The following STK32B variants were observed in gnomAD, a reference collection of about 807,000 sequenced individuals.
STK32B encodes the protein serine/threonine kinase 32B, also known as serine/threonine-protein kinase 32B.
In STK32B, 43 loss-of-function variants were observed where a neutral mutation model predicts 52.6. That is an observed-to-expected ratio of 0.82 (90% CI 0.64 to 1.05). STK32B has a LOEUF of 1.05. Among genes scored for constraint, STK32B ranks in the 50% least tolerant of loss-of-function variants. The pLI, the probability that STK32B is intolerant of heterozygous loss-of-function variation, is 0.00. For missense variants in STK32B, 621 were observed against 534.6 expected (o/e 1.16, Z -1.59); for synonymous variants, 238 against 204.3 (o/e 1.17, Z -1.41).
rs757211998 is a variant in STK32B at position 5,331,398 on chromosome 4, C to G, written c.434+5C>G. The G allele has an allele frequency of 6.2e-6, 10 of 1,604,120 alleles. No homozygotes were observed. Among genetic ancestry groups the G allele is most frequent in the African/African-American group, 1.3e-5 (1 of 74,730 alleles). ...GAGGTACCACATCATCCACAGGTAA[C>G]TGGGCTGCTGGCGGGATGCCTGGGA... is the stretch of plus-strand genomic sequence containing the variant. On this transcript the variant is annotated splice_donor_5th_base_variant and intron_variant, in intron 4 of 11. Transcript: ENST00000282908.
At chr4:5,150,957 C>A (rs1276852997) in intron 2 of STK32B, among the ~76,000 whole-genome samples, 1 of 152,124 alleles carries the variant, frequency 6.6e-6, no homozygotes, top group Non-Finnish European at 1.5e-5. Flanking sequence ...ACCACTTTCC[C>A]CCCATGTCAT....
intron 3 of STK32B, among the ~76,000 whole-genome samples, chr4:5,172,385 C>T (rs1422248534): frequency 3.3e-5 from 5 of 152,064 alleles, no homozygotes; most frequent in Non-Finnish European, 2.9e-5. Context: ...GTGTCTTGTG[C>T]CAGTTTTCAA....
At chr4:5,473,970 C>G (rs1030411750) in intron 11 of STK32B, among the ~76,000 whole-genome samples, 1 of 152,068 alleles carries the variant, frequency 6.6e-6, no homozygotes, top group Non-Finnish European at 1.5e-5. Flanking sequence ...AAAAATTAGT[C>G]TGGTGTGGTG....
chr4:5,288,002 TA>T (rs1728660552), intron 3 of STK32B, among the ~76,000 whole-genome samples: 1 of 152,212 alleles, frequency 6.6e-6, no homozygotes, highest in Non-Finnish European at 1.5e-5. Flanking sequence ...AGTTGAATCA[TA>T]CAACATATAA....
chr4:5,255,448 A>T (rs1008358792), intron 3 of STK32B, among the ~76,000 whole-genome samples: 8 of 152,192 alleles, frequency 5.3e-5, no homozygotes, highest in African/African-American at 1.9e-4. Flanking sequence ...TAGGTAACAT[A>T]CATACAGCAA....
At chr4:5,317,082 A>T (rs1333773032) in intron 3 of STK32B, among the ~76,000 whole-genome samples, 1 of 48,496 alleles carries the variant, frequency 2.1e-5, no homozygotes, top group South Asian at 6.1e-4. Context: ...TATATATTAT[A>T]TATATAATAT....
chr4:5,181,367 C>CACACACACACAG (rs1272404587), intron 3 of STK32B, among the ~76,000 whole-genome samples: 1 of 96,326 alleles, frequency 1.0e-5, no homozygotes, highest in Admixed American at 9.3e-5. Context: ...CACACACACA[C>CACACACACACAG]AGAGATCTCA....
intron 3 of STK32B, among the ~76,000 whole-genome samples, chr4:5,307,903 G>A (rs1730035224): frequency 6.6e-6 from 1 of 152,040 alleles, no homozygotes; most frequent in East Asian, 1.9e-4. Flanking sequence ...TTCTCTTCAG[G>A]ATGTAGCCAC....
intron 3 of STK32B, among the ~76,000 whole-genome samples, chr4:5,194,667 T>C (rs1721502418): frequency 6.6e-6 from 1 of 152,208 alleles, no homozygotes; most frequent in Non-Finnish European, 1.5e-5. Context: ...TATAAAGAAA[T>C]ACCTGAGACT....
chr4:5,159,509 TATATATGA>T (rs1718157510), intron 2 of STK32B, among the ~76,000 whole-genome samples: 1 of 143,818 alleles, frequency 7.0e-6, no homozygotes, highest in African/African-American at 2.6e-5. Flanking sequence ...TATATGAATA[TATATATGA>T]ATATATGATA....
At chr4:5,109,193 G>A (rs1328901355) in intron 1 of STK32B, among the ~76,000 whole-genome samples, 1 of 152,176 alleles carries the variant, frequency 6.6e-6, no homozygotes, top group Non-Finnish European at 1.5e-5. Flanking sequence ...AGACCCAGAA[G>A]CAACTTTCCA....
At chr4:5,238,502 T>C (rs1358084051) in intron 3 of STK32B, among the ~76,000 whole-genome samples, 2 of 152,176 alleles carry the variant, frequency 1.3e-5, no homozygotes, top group African/African-American at 2.4e-5. Context: ...TTCAAATAAA[T>C]TCACCTTCTC....
At chr4:5,076,638 A>G (rs1270693718) in intron 1 of STK32B, among the ~76,000 whole-genome samples, 1 of 152,208 alleles carries the variant, frequency 6.6e-6, no homozygotes, top group Admixed American at 6.5e-5. Flanking sequence ...TATAATCTGC[A>G]TTTCGCATCT....
At chr4:5,231,337 G>A (rs1344902482) in intron 3 of STK32B, among the ~76,000 whole-genome samples, 2 of 152,162 alleles carry the variant, frequency 1.3e-5, no homozygotes, top group African/African-American at 4.8e-5. Context: ...TTAGCCGGGT[G>A]CAGTGGCTCA....
chr4:5,029,899 T>C, the STK32B span, among the ~76,000 whole-genome samples: 1 of 152,244 alleles, frequency 6.6e-6, no homozygotes, highest in Non-Finnish European at 1.5e-5. Flanking sequence ...AATTGAATTA[T>C]GGGAGTGGTT....
chr4:5,265,688 C>T (rs967429196), intron 3 of STK32B, among the ~76,000 whole-genome samples: 6 of 152,092 alleles, frequency 3.9e-5, no homozygotes, highest in African/African-American at 1.4e-4. Context: ...GCTAATAAAC[C>T]TTTCCACATC....
At chr4:5,075,934 C>G (rs552879227) in intron 1 of STK32B, among the ~76,000 whole-genome samples, 1 of 152,216 alleles carries the variant, frequency 6.6e-6, no homozygotes, top group Admixed American at 6.5e-5. Flanking sequence ...ACATACCAGC[C>G]CAAAATTCAG....
intron 2 of STK32B, among the ~76,000 whole-genome samples, chr4:5,166,815 G>A (rs369527693): frequency 1.9e-4 from 29 of 152,154 alleles, no homozygotes; most frequent in African/African-American, 5.8e-4. Context: ...ATCCCTTATC[G>A]AGGTGTTGGG....
chr4:5,368,406 T>C (rs1222648935), intron 4 of STK32B, among the ~76,000 whole-genome samples: 5 of 151,776 alleles, frequency 3.3e-5, no homozygotes, highest in Non-Finnish European at 7.4e-5. Flanking sequence ...GGGCTTTGCT[T>C]TCAGTAACTC....
Sources: gnomAD v4.1 joint callset for allele counts (sites outside exome capture counted in the v4.1 genomes callset) on GRCh38, gnomAD v4.1.1 for gene constraint, MANE v1.5 for transcripts, NCBI Gene and HGNC (gene_info 2026-07-23, HGNC 2026-07-21) for gene names.